ASIC2: variants seen among roughly 807,000 people sequenced by gnomAD.
ASIC2 encodes the protein acid sensing ion channel subunit 2.
Under a neutral mutation model 57.3 loss-of-function variants are expected in ASIC2, and 25 were observed. That is an observed-to-expected ratio of 0.44 (90% CI 0.32 to 0.61). The LOEUF (loss-of-function observed/expected upper bound fraction) is 0.61, where lower values mean the gene tolerates loss of function less well. Among genes scored for constraint, ASIC2 ranks in the 20% least tolerant of loss-of-function variants. The probability of loss-of-function intolerance (pLI) is 0.06; values close to 1 mark genes in which losing one functional copy is unlikely to be tolerated. For synonymous variants in ASIC2, 319 were observed against 307.5 expected, an observed-to-expected ratio of 1.04 and a Z score of -0.39; for missense variants, 641 against 738.1, an observed-to-expected ratio of 0.87 and a Z score of 1.52.
intron 1 of ASIC2, among the ~76,000 whole-genome samples, chr17:33,489,000 C>T (rs1038386118): frequency 1.3e-5 from 2 of 152,128 alleles, no homozygotes; most frequent in Non-Finnish European, 2.9e-5. Flanking sequence ...AGATGATCCC[C>T]TAGGCCACTG....
intron 1 of ASIC2, among the ~76,000 whole-genome samples, chr17:33,402,388 A>T (rs918120827): frequency 1.3e-5 from 2 of 152,090 alleles, no homozygotes; most frequent in Non-Finnish European, 2.9e-5. Context: ...TCAACCCACC[A>T]CCTAGGTATT....
At chr17:33,181,429 C>A (rs1007273832) in intron 1 of ASIC2, among the ~76,000 whole-genome samples, 1 of 152,144 alleles carries the variant, frequency 6.6e-6, no homozygotes, top group African/African-American at 2.4e-5. Flanking sequence ...CTTAGAACAA[C>A]AGAAGTTTAT....
At chr17:33,107,173 T>G (rs1405262466) in intron 2 of ASIC2, among the ~76,000 whole-genome samples, 33 of 152,236 alleles carry the variant, frequency 2.2e-4, no homozygotes, top group Admixed American at 2.2e-3. Flanking sequence ...CAACCTCCCT[T>G]TCTGCCTTCA....
intron 1 of ASIC2, among the ~76,000 whole-genome samples, chr17:33,340,103 C>A (rs1381298235): frequency 6.6e-6 from 1 of 152,154 alleles, no homozygotes; most frequent in Admixed American, 6.5e-5. Context: ...AATACATAAC[C>A]AATTGCCACA....
intron 1 of ASIC2, among the ~76,000 whole-genome samples, chr17:33,956,491 C>A (rs978434588): frequency 1.3e-5 from 2 of 152,200 alleles, no homozygotes; most frequent in African/African-American, 4.8e-5. Flanking sequence ...ACCTCCATCT[C>A]TGCTTTCCAA....
chr17:34,144,426 A>T (rs1912360378), intron 1 of ASIC2, among the ~76,000 whole-genome samples: 1 of 152,154 alleles, frequency 6.6e-6, no homozygotes, highest in Admixed American at 6.5e-5. Flanking sequence ...GGACTTCCTG[A>T]TACTACACTG....
chr17:34,051,885 AGAGAGC>A (rs1908580796), intron 1 of ASIC2: 1 of 151,866 alleles, frequency 6.6e-6, no homozygotes, highest in Admixed American at 6.6e-5. Flanking sequence ...CGAGAGAGCG[AGAGAGC>A]GAGAGAGTGA....
intron 1 of ASIC2, among the ~76,000 whole-genome samples, chr17:33,770,277 T>G (rs1597869102): frequency 6.6e-6 from 1 of 152,200 alleles, no homozygotes; most frequent in Non-Finnish European, 1.5e-5. Context: ...GCCTTTGGAG[T>G]TGGGCAGGAC....
At chr17:33,357,450 A>C (rs73982758) in intron 1 of ASIC2, among the ~76,000 whole-genome samples, 1 of 152,050 alleles carries the variant, frequency 6.6e-6, no homozygotes, top group South Asian at 2.1e-4. Flanking sequence ...TTAGGCAGTT[A>C]GTTATTTCCT....
At chr17:33,149,291 T>C (rs1310093402) in intron 1 of ASIC2, among the ~76,000 whole-genome samples, 1 of 152,238 alleles carries the variant, frequency 6.6e-6, no homozygotes, top group Non-Finnish European at 1.5e-5. Context: ...TCTTTTTTTC[T>C]AACATATGAA....
chr17:33,424,065 TG>T (rs889653280), intron 1 of ASIC2, among the ~76,000 whole-genome samples: 12 of 152,254 alleles, frequency 7.9e-5, no homozygotes, highest in South Asian at 4.1e-4. Context: ...GGAGATGCCT[TG>T]GGGGGCTGGC....
chr17:33,036,609 T>G (rs2091909590), intron 3 of ASIC2, among the ~76,000 whole-genome samples: 1 of 22,688 alleles, frequency 4.4e-5, no homozygotes, highest in South Asian at 1.3e-3. Flanking sequence ...TTTTTGAACT[T>G]TTTTTTTTGG....
chr17:33,639,059 T>A (rs998681170), intron 1 of ASIC2, among the ~76,000 whole-genome samples: 6 of 151,630 alleles, frequency 4.0e-5, no homozygotes, highest in Non-Finnish European at 4.4e-5. Context: ...CGGTGTCTAA[T>A]GAGTGATATA....
At chr17:33,202,689 C>T (rs987161070) in intron 1 of ASIC2, among the ~76,000 whole-genome samples, 1 of 152,162 alleles carries the variant, frequency 6.6e-6, no homozygotes, top group South Asian at 2.1e-4. Flanking sequence ...GGAGAGCGAA[C>T]GTGACTTTAA....
intron 1 of ASIC2, among the ~76,000 whole-genome samples, chr17:34,023,378 A>AACACACACACAC (rs59456457): frequency 4.1e-5 from 6 of 147,498 alleles, no homozygotes; most frequent in Non-Finnish European, 9.0e-5. Flanking sequence ...CTCTGTCACA[A>AACACACACACAC]ACACACACAC....
intron 1 of ASIC2, among the ~76,000 whole-genome samples, chr17:33,133,609 A>G (rs986541120): frequency 2.0e-5 from 3 of 152,222 alleles, no homozygotes; most frequent in Admixed American, 6.5e-5. Context: ...TTAGATCTGT[A>G]AACTTTAAGT....
intron 1 of ASIC2, among the ~76,000 whole-genome samples, chr17:33,461,904 A>G (rs563305934): frequency 2.0e-5 from 3 of 152,316 alleles, no homozygotes; most frequent in Non-Finnish European, 4.4e-5. Context: ...TGAACCATCT[A>G]TTGATCCATC....
chr17:33,183,901 C>T lies in ASIC2; in HGVS notation c.709-71834G>A, dbSNP rs148674264. ...ATGCCACAGAGTCCTGGCTCTGTTA[C>T]CTCCTAGCTGTGCAAATCTGGGCAC... On this transcript the variant is annotated intron_variant, in intron 1 of 9. Coordinates refer to ENST00000225823, the MANE Select transcript of ASIC2 (RefSeq NM_183377.2). Among the ~76,000 whole-genome samples the T allele has an allele frequency of 1.2e-3, 186 of 152,292 alleles. 1 individual carries two copies. The highest frequency in any genetic ancestry group is 1.5e-3 in the Non-Finnish European group (105 of 68,022).
At chr17:33,648,174 C>T (rs934746964) in intron 1 of ASIC2, among the ~76,000 whole-genome samples, 1 of 152,196 alleles carries the variant, frequency 6.6e-6, no homozygotes, top group Non-Finnish European at 1.5e-5. Flanking sequence ...GAGGCTCCAT[C>T]TGGTGGCAGC....
Sources: gnomAD v4.1 joint callset for allele counts (sites outside exome capture counted in the v4.1 genomes callset) on GRCh38, gnomAD v4.1.1 for gene constraint, MANE v1.5 for transcripts, NCBI Gene and HGNC (gene_info 2026-07-23, HGNC 2026-07-21) for gene names.